ICA1L: variants seen among roughly 807,000 people sequenced by gnomAD.
The protein encoded by ICA1L is islet cell autoantigen 1 like.
A neutral mutation model predicts 61.3 loss-of-function variants in ICA1L; 50 were observed. That is an observed-to-expected ratio of 0.82 (90% CI 0.65 to 1.03). The LOEUF is 1.03. Ranked by LOEUF, ICA1L falls within the 50% of genes least tolerant of loss-of-function variation. The pLI, the probability that ICA1L is intolerant of heterozygous loss-of-function variation, is 0.00. For missense variants in ICA1L, 508 were observed against 556.7 expected (o/e 0.91, Z 0.88); for synonymous variants, 161 against 191.3 (o/e 0.84, Z 1.31).
intron 2 of ICA1L, among the ~76,000 whole-genome samples, chr2:202,827,695 C>G (rs1319391373): frequency 6.6e-6 from 1 of 152,014 alleles, no homozygotes; most frequent in Non-Finnish European, 1.5e-5. Flanking sequence ...GTTCCTGTTG[C>G]GTTAAAACAT....
chr2:202,815,017 C>T (rs1174309131), intron 7 of ICA1L, among the ~76,000 whole-genome samples: 1 of 152,136 alleles, frequency 6.6e-6, no homozygotes, highest in Non-Finnish European at 1.5e-5. Flanking sequence ...GTGGGGTAGC[C>T]ACAGATTAGT....
chr2:202,788,128 T>C (rs910459723), intron 11 of ICA1L, among the ~76,000 whole-genome samples: 6 of 152,186 alleles, frequency 3.9e-5, no homozygotes, highest in Admixed American at 2.0e-4. Context: ...CTGGAAACCA[T>C]GGTGTTTCAT....
chr2:202,865,714 T>G (rs997003232), intron 1 of ICA1L, among the ~76,000 whole-genome samples: 1 of 152,148 alleles, frequency 6.6e-6, no homozygotes, highest in Admixed American at 6.6e-5. Flanking sequence ...CTGAGCAAAT[T>G]CAGCAATTAG....
chr2:202,839,768 T>C (rs1056774025), intron 1 of ICA1L, among the ~76,000 whole-genome samples: 1 of 152,134 alleles, frequency 6.6e-6, no homozygotes, highest in Non-Finnish European at 1.5e-5. Flanking sequence ...CTTTTGTTCT[T>C]TTTTCCTTTC....
rs1662917540 is a variant in ICA1L, at chr2:202,775,399, G to C, written c.*4134C>G. 6.6e-6 allele frequency: 1 copy of C among 152,192 alleles called. No homozygotes were observed. The highest frequency in any genetic ancestry group is 1.5e-5 in the Non-Finnish European group (1 of 68,006). The allele number at this position is 152,192 out of a possible 1,614,324, so 9.4% of individuals were successfully genotyped here. A position where few individuals can be genotyped will look rare whatever the true frequency, so the allele number is the denominator to read the frequency against. On this transcript the variant is annotated 3_prime_UTR_variant, in exon 13 of 13. Coordinates refer to ENST00000358299, the MANE Select transcript of ICA1L (RefSeq NM_001288622.3). ...CTTATATTTAATTGTTTGTGTCTAG[G>C]CTCAGATTTTTGATATTTGTTAGTT...
intron 1 of ICA1L, among the ~76,000 whole-genome samples, chr2:202,847,160 C>A (rs1353205936): frequency 6.6e-6 from 1 of 152,188 alleles, no homozygotes; most frequent in Non-Finnish European, 1.5e-5. Context: ...TCAGAACAAT[C>A]TCTCCATATT....
intron 1 of ICA1L, among the ~76,000 whole-genome samples, chr2:202,835,187 T>C (rs1406412191): frequency 1.3e-5 from 2 of 151,556 alleles, no homozygotes; most frequent in Non-Finnish European, 2.9e-5. Flanking sequence ...CTAGCTACTG[T>C]CAATGGCATT....
chr2:202,832,695 C>T (rs998035078), intron 1 of ICA1L, among the ~76,000 whole-genome samples: 1 of 152,060 alleles, frequency 6.6e-6, no homozygotes, highest in African/African-American at 2.4e-5. Flanking sequence ...AAGAGGATCT[C>T]TTGAGCCCTG....
At chr2:202,784,672 C>T (rs1192309306) in intron 12 of ICA1L, among the ~76,000 whole-genome samples, 3 of 152,116 alleles carry the variant, frequency 2.0e-5, no homozygotes, top group African/African-American at 7.2e-5. Flanking sequence ...TCACTTGCTA[C>T]AGGATGAACC....
At chr2:202,793,486 G>A (rs867801577) in intron 10 of ICA1L, among the ~76,000 whole-genome samples, 7 of 89,312 alleles carry the variant, frequency 7.8e-5, no homozygotes, top group Admixed American at 7.5e-4. Flanking sequence ...GCAATATCCC[G>A]TCTCTACTAA....
chr2:202,858,479 G>A (rs141851989), intron 1 of ICA1L, among the ~76,000 whole-genome samples: 76 of 152,292 alleles, frequency 5.0e-4, no homozygotes, highest in African/African-American at 1.8e-3. Flanking sequence ...CAGGGGTTGG[G>A]GGAAAGGAGA....
chr2:202,851,471 T>C (rs1694618261), intron 1 of ICA1L, among the ~76,000 whole-genome samples: 1 of 152,204 alleles, frequency 6.6e-6, no homozygotes, highest in Non-Finnish European at 1.5e-5. Context: ...ACAATAAACA[T>C]ACGTGTGCAT....
intron 1 of ICA1L, among the ~76,000 whole-genome samples, chr2:202,853,333 G>A (rs1313697866): frequency 7.9e-5 from 12 of 151,130 alleles, no homozygotes; most frequent in African/African-American, 2.9e-4. Flanking sequence ...CTCCAGCCTG[G>A]GCGACAGAGC....
intron 1 of ICA1L, among the ~76,000 whole-genome samples, chr2:202,855,441 TAATA>T (rs2105884624): frequency 6.6e-6 from 1 of 151,912 alleles, no homozygotes; most frequent in African/African-American, 2.4e-5. Context: ...AATAAAAAAA[TAATA>T]AAGGGATATC....
rs1574313648 is a variant in ICA1L at position 202,774,543 on chromosome 2, G to A, written c.*4990C>T. ...AAGAGATATCACAGGAGAGACACAG[G>A]AAAAAAAGTTGTAATATACTCACAG... On this transcript the variant is annotated 3_prime_UTR_variant, in exon 13 of 13. Coordinates refer to ENST00000358299, the MANE Select transcript of ICA1L (RefSeq NM_001288622.3). 9 of 399,536 alleles carry A rather than the reference G, an allele frequency of 2.3e-5. No homozygotes were observed. The East Asian group carries it at 4.2e-4, about 19-fold the overall frequency. 24.7% of individuals were successfully genotyped at this position (399,536 alleles called of 1,614,324 possible).
rs141242658 is a variant in ICA1L, at chr2:202,866,696, C to T, written c.-8+4923G>A. Among the ~76,000 whole-genome samples the T allele has an allele frequency of 5.0e-4, 76 of 152,226 alleles. No individual in the cohort carries two copies. In the East Asian group the frequency reaches 0.013, roughly 25 times the overall value. ...GGCGCGGTAGCTCACGCCTGTAATC[C>T]CAGCACTTCGGGAAGCTGAGGCGGG... On this transcript the variant is annotated intron_variant, in intron 1 of 12. Coordinates refer to ENST00000358299, the MANE Select transcript of ICA1L (RefSeq NM_001288622.3).
At chr2:202,817,112 G>A (rs1296564141) in intron 6 of ICA1L, among the ~76,000 whole-genome samples, 2 of 152,140 alleles carry the variant, frequency 1.3e-5, no homozygotes, top group Non-Finnish European at 2.9e-5. Flanking sequence ...CCCAGAAGTG[G>A]AACAGCTCTG....
At chr2:202,781,623 TACCCTGAC>T (rs575851665) in intron 12 of ICA1L, among the ~76,000 whole-genome samples, 4 of 150,970 alleles carry the variant, frequency 2.6e-5, no homozygotes, top group Non-Finnish European at 2.9e-5. Context: ...TCATGCCTGA[TACCCTGAC>T]ACCCTTCCAG....
chr2:202,820,664 A>C (rs1350239145), intron 4 of ICA1L, among the ~76,000 whole-genome samples: 1 of 152,166 alleles, frequency 6.6e-6, no homozygotes, highest in African/African-American at 2.4e-5. Flanking sequence ...TATTTAAGAA[A>C]CACAGATTAA....
Sources: gnomAD v4.1 joint callset for allele counts (sites outside exome capture counted in the v4.1 genomes callset) on GRCh38, gnomAD v4.1.1 for gene constraint, MANE v1.5 for transcripts, NCBI Gene and HGNC (gene_info 2026-07-23, HGNC 2026-07-21) for gene names.